CLMP: variants seen among roughly 807,000 people sequenced by gnomAD.
CLMP encodes the protein CXADR-like membrane protein.
In CLMP, 27 loss-of-function variants were observed where a neutral mutation model predicts 45.2. That is an observed-to-expected ratio of 0.60 (90% CI 0.44 to 0.82). The LOEUF (loss-of-function observed/expected upper bound fraction) is 0.82. Among genes scored for constraint, CLMP ranks in the 40% least tolerant of loss-of-function variants. CLMP has a pLI of 0.00. For synonymous variants in CLMP, 167 were observed against 171.4 expected (o/e 0.97, Z 0.20); for missense variants, 403 against 448.4 (o/e 0.90, Z 0.91).
chr11:123,162,059 C>T (rs752226572), intron 1 of CLMP, among the ~76,000 whole-genome samples: 1 of 152,210 alleles, frequency 6.6e-6, no homozygotes, highest in Non-Finnish European at 1.5e-5. Flanking sequence ...ATGGCCCCAA[C>T]CTGAAGAAGC....
In CLMP at chr11:123,157,541, G is replaced by A. The variant is rs529048468; in HGVS notation, c.28+37372C>T. 4.6e-5 allele frequency among the ~76,000 whole-genome samples: 7 copies of A among 151,898 alleles called. No homozygotes were observed. The East Asian group carries it at 9.7e-4, about 21-fold the overall frequency. ...GCACTTCAGCCTGTGCAACAAGAGC[G>A]AAACCCTGTCTCAACAAAACCCCCA... On this transcript the variant is annotated intron_variant, in intron 1 of 6. Coordinates refer to ENST00000448775, the MANE Select transcript of CLMP (RefSeq NM_024769.5).
At chr11:123,124,405 CT>C in intron 1 of CLMP, among the ~76,000 whole-genome samples, 1 of 152,284 alleles carries the variant, frequency 6.6e-6, no homozygotes, top group South Asian at 2.1e-4. Flanking sequence ...CACAAAACCC[CT>C]CTTAAATATC....
intron 2 of CLMP, among the ~76,000 whole-genome samples, chr11:123,092,983 C>G (rs1865951309): frequency 6.6e-6 from 1 of 150,396 alleles, no homozygotes; most frequent in Non-Finnish European, 1.5e-5. Flanking sequence ...TCTCTGCTCA[C>G]TGCAACCTCC....
chr11:123,158,489 CTT>C (rs1861443820), intron 1 of CLMP, among the ~76,000 whole-genome samples: 1 of 152,180 alleles, frequency 6.6e-6, no homozygotes. Context: ...GGCCTGATGC[CTT>C]TGCAGCCCTG....
intron 3 of CLMP, 123 bp from the exon 4 acceptor site, chr11:123,083,970 T>A: frequency 9.0e-7 from 1 of 1,110,836 alleles, no homozygotes; most frequent in Non-Finnish European, 1.3e-6. Context: ...AACTTTTGAG[T>A]GGGGATTCAA....
chr11:123,076,573 A>G (rs1409770121), intron 5 of CLMP, among the ~76,000 whole-genome samples: 1 of 152,154 alleles, frequency 6.6e-6, no homozygotes, highest in Admixed American at 6.6e-5. Flanking sequence ...TGAGGCATAT[A>G]TGATATAAAG....
In CLMP at chr11:123,161,357, AT is replaced by A. The variant is rs199656118; in HGVS notation, c.28+33555del. Among the ~76,000 whole-genome samples, 529 of 150,874 alleles carry A rather than the reference AT, an allele frequency of 3.5e-3. 12 individuals carry two copies. The East Asian group carries it at 0.051, about 14-fold the overall frequency. On this transcript the variant is annotated intron_variant, in intron 1 of 6. Transcript: ENST00000448775. ...CTCAGCCTGCATGTGAGAAGCACTG[AT>A]TTTTTTTTTCTTTAAATGCAGAATG...
In CLMP at chr11:123,079,595, A is replaced by G. The variant is rs553045226; in HGVS notation, c.679+3490T>C. 4.6e-5 allele frequency among the ~76,000 whole-genome samples: 7 copies of G among 152,150 alleles called. No individual in the cohort carries two copies. In the South Asian group the frequency reaches 1.0e-3, roughly 23 times the overall value. On this transcript the variant is annotated intron_variant, in intron 5 of 6. Transcript: ENST00000448775. ...TAACCTCCCGAGTAGCTGGGATTAC[A>G]GGCATGCCCAGCTAATTTTTTGTGT... is the stretch of plus-strand genomic sequence containing the variant.
chr11:123,093,739 A>C (rs961446835), intron 2 of CLMP, among the ~76,000 whole-genome samples: 3 of 152,174 alleles, frequency 2.0e-5, no homozygotes, highest in African/African-American at 7.2e-5. Flanking sequence ...TGGGAGAAAA[A>C]TGAACATCAA....
At chr11:123,188,684 G>A (rs1226568268) in intron 1 of CLMP, 1 of 152,218 alleles carries the variant, frequency 6.6e-6, no homozygotes, top group East Asian at 1.9e-4. Context: ...CTCACCGCCA[G>A]GCTTTGGCTG....
At chr11:123,185,434 C>T (rs1861820924) in intron 1 of CLMP, among the ~76,000 whole-genome samples, 1 of 152,002 alleles carries the variant, frequency 6.6e-6, no homozygotes, top group Admixed American at 6.5e-5. Flanking sequence ...GCTGAGGCAG[C>T]AGCATGTGGG....
chr11:123,078,281 T>C (rs1348822905), intron 5 of CLMP, among the ~76,000 whole-genome samples: 1 of 151,962 alleles, frequency 6.6e-6, no homozygotes, highest in Non-Finnish European at 1.5e-5. Context: ...CAATGAAAAA[T>C]GACATACTCT....
chr11:123,166,253 C>T (rs761543177), intron 1 of CLMP, among the ~76,000 whole-genome samples: 10 of 152,024 alleles, frequency 6.6e-5, no homozygotes, highest in Non-Finnish European at 1.5e-4. Flanking sequence ...TTACTGTGGG[C>T]ATCCCTACAT....
At chr11:123,155,073 C>T (rs976822519) in intron 1 of CLMP, among the ~76,000 whole-genome samples, 6 of 152,290 alleles carry the variant, frequency 3.9e-5, no homozygotes, top group African/African-American at 9.6e-5. Context: ...ACTGCAGCCT[C>T]GATCTTCTGG....
chr11:123,150,534 A>AG (rs755274349), intron 1 of CLMP, among the ~76,000 whole-genome samples: 73 of 116,298 alleles, frequency 6.3e-4, no homozygotes, highest in Non-Finnish European at 8.1e-4. Context: ...GAAGGAAAGA[A>AG]ACAAGCAAGG....
chr11:123,141,271 G>A (rs1374314101), intron 1 of CLMP, among the ~76,000 whole-genome samples: 3 of 120,726 alleles, frequency 2.5e-5, no homozygotes, highest in African/African-American at 6.4e-5. Context: ...TGCAACCTCC[G>A]CCTCCCAGGT....
intron 1 of CLMP, among the ~76,000 whole-genome samples, chr11:123,118,975 TTCTTTCTTTCTTTCTTTCTTTCTTTC>T (rs1649959410): frequency 1.3e-4 from 6 of 46,124 alleles, no homozygotes; most frequent in African/African-American, 4.0e-4. Flanking sequence ...CTTTCTTTCT[TTCTTTCTTTCTTTCTTTCTTTCTTTC>T]TCTCTCTCTC....
chr11:123,079,515 C>T (rs1865776882), intron 5 of CLMP, among the ~76,000 whole-genome samples: 1 of 151,992 alleles, frequency 6.6e-6, no homozygotes, highest in Non-Finnish European at 1.5e-5. Context: ...GTGCAGTGGC[C>T]TGATCTCAGC....
Position 123,195,119 on chromosome 11 carries a change from G to A in CLMP, c.-179C>T, listed in dbSNP as rs1480629558. The A allele has an allele frequency of 5.7e-6, 2 of 349,810 alleles. No homozygotes were observed. The highest frequency in any genetic ancestry group is 9.8e-6 in the Non-Finnish European group (2 of 204,982). The allele number at this position is 349,810 out of a possible 1,614,324, so 21.7% of individuals were successfully genotyped here. A position where few individuals can be genotyped will look rare whatever the true frequency, so the allele number is the denominator to read the frequency against. On this transcript the variant is annotated 5_prime_UTR_variant, in exon 1 of 7. Transcript: ENST00000448775. ...GCCCCGTGCCCCTGGGGGCAGATGG[G>A]CTCCCGGCGCTCGCCCCACCAGCTG...
Sources: gnomAD v4.1 joint callset for allele counts (sites outside exome capture counted in the v4.1 genomes callset) on GRCh38, gnomAD v4.1.1 for gene constraint, MANE v1.5 for transcripts, NCBI Gene and HGNC (gene_info 2026-07-23, HGNC 2026-07-21) for gene names.